The following SIRT7 variants were observed in gnomAD, a reference collection of about 807,000 sequenced individuals.
The protein encoded by SIRT7 is NAD-dependent protein deacetylase sirtuin-7.
Under a neutral mutation model 42.8 loss-of-function variants are expected in SIRT7, and 32 were observed. The observed-to-expected ratio is 0.75, with a 90% confidence interval of 0.56 to 1.00. The LOEUF (loss-of-function observed/expected upper bound fraction) is 1.00, where lower values mean the gene tolerates loss of function less well. SIRT7 is among the 50% of genes least tolerant of loss of function. The pLI, the probability that SIRT7 is intolerant of heterozygous loss-of-function variation, is 0.00. For synonymous variants in SIRT7, 297 were observed against 245.2 expected (o/e 1.21, Z -1.97); for missense variants, 553 against 572.2 (o/e 0.97, Z 0.34).
chr17:81,914,630 C>G lies in SIRT7; in HGVS notation c.553G>C (p.Glu185Gln), dbSNP rs778469493. Residue 185 changes from glutamate to glutamine, a missense_variant, in exon 6 of 10, where the codon GAG (glutamate) becomes CAG (glutamine). Glu to Gln is a conservative substitution (Grantham distance 29, BLOSUM62 2). Transcript: ENST00000328666. ...TCAATGTACATGTTCCCGTGGAGCTCGGAGATGGCCGTGCGCGGCAGCCCA... is the reference window on the plus strand; with the variant it reads ...TCAATGTACATGTTCCCGTGGAGCTGGGAGATGGCCGTGCGCGGCAGCCCA... ...RSGLPRTAIS[E>Q]LHGNMYIEVC... The G allele has an allele frequency of 6.2e-7, 1 of 1,613,106 alleles. No homozygotes were observed. The highest frequency in any genetic ancestry group is 8.5e-7 in the Non-Finnish European group (1 of 1,180,002).
Position 81,915,422 on chromosome 17 carries a change from G to A in SIRT7, c.480+18C>T, listed in dbSNP as rs200216452. Reference sequence around the variant, plus strand: ...TGCCTGGTCCCTGGCAAGTGTACCAGCCACCCAGGGCTCTTACCAGCTTCT... The same window carrying A: ...TGCCTGGTCCCTGGCAAGTGTACCAACCACCCAGGGCTCTTACCAGCTTCT... On this transcript the variant is annotated intron_variant, in intron 5 of 9. Coordinates refer to ENST00000328666, the MANE Select transcript of SIRT7 (RefSeq NM_016538.3). 3.3e-4 allele frequency: 528 copies of A among 1,609,528 alleles called. 5 individuals carry two copies. Among genetic ancestry groups the A allele is most frequent in the Non-Finnish European group, 6.9e-5 (81 of 1,177,928 alleles).
intron 3 of SIRT7, chr17:81,917,222 A>T (rs2040821299): frequency 6.1e-6 from 1 of 162,728 alleles, no homozygotes; most frequent in Non-Finnish European, 1.3e-5. Flanking sequence ...CCCACAGCCC[A>T]GGATAACTTG....
At chr17:81,916,414 A>G (rs2040798395) in intron 3 of SIRT7, 1 of 151,368 alleles carries the variant, frequency 6.6e-6, no homozygotes, top group Non-Finnish European at 1.5e-5. Context: ...TGCCATTGGA[A>G]GTTCCATAAC....
chr17:81,915,583 T>G, intron 4 of SIRT7, 28 bp downstream of exon 4: 1 of 1,613,506 alleles, frequency 6.2e-7, no homozygotes, highest in Non-Finnish European at 8.5e-7. Flanking sequence ...GCCCAGCCTA[T>G]GTGGGAGGCC....
chr17:81,915,448 G>C lies in SIRT7; in HGVS notation c.472C>G (p.Gln158Glu). Residue 158 changes from glutamine to glutamate, a missense_variant, in exon 5 of 10, where the codon CAG becomes GAG. By Grantham distance (29) the Gln-to-Glu change is conservative. Coordinates refer to ENST00000328666, the MANE Select transcript of SIRT7 (RefSeq NM_016538.3). ...CCACCCAGGGCTCTTACCAGCTTCT[G>C]CTCATGCAGACGGGTGATGCTCATG... Reference protein sequence around the residue: ...THMSITRLHEQKLVQHVVSQN... With the variant: ...THMSITRLHEEKLVQHVVSQN... The C allele has an allele frequency of 6.2e-7, 1 of 1,613,092 alleles. No homozygotes were observed. Among genetic ancestry groups the C allele is most frequent in the East Asian group, 2.2e-5 (1 of 44,872 alleles).
chr17:81,912,850 C>T (rs1440685828), intron 9 of SIRT7: 1 of 589,030 alleles, frequency 1.7e-6, no homozygotes, highest in East Asian at 2.9e-5. Flanking sequence ...AGCTCGGTCT[C>T]CTCAAAACTC....
intron 3 of SIRT7, chr17:81,916,095 C>T (rs866800027): frequency 4.1e-6 from 1 of 243,152 alleles, no homozygotes; most frequent in South Asian, 5.2e-5. Context: ...TGGGTCCAGG[C>T]GACTGTCCAT....
Position 81,912,486 on chromosome 17 carries a change from G to C in SIRT7, c.1133C>G (p.Ser378Trp), listed in dbSNP as rs753775333. ...PPGDRGAPLS[S>W]APILGGWFGR... ...AAACCAGCCCCCTAGGATGGGGGCC[G>C]AGCTAAGCGGTGCACCCCGGTCCCC... is the stretch of plus-strand genomic sequence containing the variant. Residue 378 changes from serine to tryptophan, a missense_variant, in exon 10 of 10, where the codon TCG becomes TGG. Physicochemically the swap from Ser to Trp is radical, Grantham distance 177. Coordinates refer to ENST00000328666, the MANE Select transcript of SIRT7 (RefSeq NM_016538.3). 6.2e-7 allele frequency: 1 copy of C among 1,613,930 alleles called. No homozygotes were observed. Among genetic ancestry groups the C allele is most frequent in the South Asian group, 1.1e-5 (1 of 91,078 alleles).
chr17:81,912,508 C>T lies in SIRT7; in HGVS notation c.1111G>A (p.Asp371Asn), dbSNP rs1199252258. The change falls in exon 10 of 10, where the codon GAC (aspartate) becomes AAC (asparagine). Residue 371 changes from aspartate (D) to asparagine (N), a missense_variant. Asp to Asn is a conservative substitution (Grantham distance 23). Transcript: ENST00000328666. ...GCCGAGCTAAGCGGTGCACCCCGGTCCCCAGGCGGGGCCTCCTCTCTGCTT... is the reference window on the plus strand; with the variant it reads ...GCCGAGCTAAGCGGTGCACCCCGGTTCCCAGGCGGGGCCTCCTCTCTGCTT... Reference protein sequence around the residue: ...CRSREEAPPGDRGAPLSSAPI... With the variant: ...CRSREEAPPGNRGAPLSSAPI... 1 of 1,613,740 alleles carries T rather than the reference C, an allele frequency of 6.2e-7. No homozygotes were observed. The highest frequency in any genetic ancestry group is 8.5e-7 in the Non-Finnish European group (1 of 1,179,984).
chr17:81,917,665 C>A lies in SIRT7; in HGVS notation c.286G>T (p.Val96Phe). 2.5e-6 allele frequency: 4 copies of A among 1,607,542 alleles called. No homozygotes were observed. In the South Asian group the frequency reaches 4.4e-5, roughly 18 times the overall value. The change falls in exon 3 of 10, where the codon GTC (valine) becomes TTC (phenylalanine). Residue 96 changes from valine (V) to phenylalanine (F), a missense_variant. Physicochemically the swap from Val to Phe is conservative, Grantham distance 50. Coordinates refer to ENST00000328666, the MANE Select transcript of SIRT7 (RefSeq NM_016538.3). ...ACGACCAAGTATTTGGCGTTCCGGACGGCGCTGGCCAGCTCCCGGACCTTC... is the reference window on the plus strand; with the variant it reads ...ACGACCAAGTATTTGGCGTTCCGGAAGGCGCTGGCCAGCTCCCGGACCTTC... ...RGKVRELASA[V>F]RNAKYLVVYT...
Position 81,912,286 on chromosome 17 carries a change from G to T in SIRT7, c.*130C>A. On this transcript the variant is annotated 3_prime_UTR_variant, in exon 10 of 10. Transcript: ENST00000328666. ...GCAAGGGGCTTCCTCAAGGACAAAT[G>T]GCTAAAAATGTCACGGTGAAAATGT... 1.6e-6 allele frequency: 2 copies of T among 1,230,544 alleles called. No individual in the cohort carries two copies. The highest frequency in any genetic ancestry group is 2.4e-6 in the Non-Finnish European group (2 of 848,524). 76.2% of individuals were successfully genotyped at this position (1,230,544 alleles called of 1,614,324 possible). A position where few individuals can be genotyped will look rare whatever the true frequency, so the allele number is the denominator to read the frequency against.
Position 81,913,967 on chromosome 17 carries a change from G to A in SIRT7, c.898-87C>T, listed in dbSNP as rs551554620. On this transcript the variant is annotated intron_variant, in intron 8 of 9. Transcript: ENST00000328666. This position sits in a 1 kb window ranked among gnomAD's most constrained non-coding sequence, Gnocchi z 5.0. ...GCCTTGGCCCCTACGGGCTCAGTCGGTGCTCCCTGAGCACCCACGGGGGCC... is the reference window on the plus strand; with the variant it reads ...GCCTTGGCCCCTACGGGCTCAGTCGATGCTCCCTGAGCACCCACGGGGGCC... 2.6e-6 allele frequency: 4 copies of A among 1,545,830 alleles called. No individual in the cohort carries two copies. In the South Asian group the frequency reaches 3.4e-5, roughly 13 times the overall value.
chr17:81,915,127 C>T (rs944780959), intron 5 of SIRT7: 2 of 517,942 alleles, frequency 3.9e-6, no homozygotes, highest in Non-Finnish European at 7.0e-6. Flanking sequence ...CCAGAGATGT[C>T]CTATAAGCCT....
rs563951708 is a variant in SIRT7, at chr17:81,915,356, G to C, written c.480+84C>G. The stretch of plus-strand genomic sequence containing the variant: ...TCATGGGAGTCAACTGGCAGACAGA[G>C]GGCGGGTGCAGTTAGTTGCCCACTG... On this transcript the variant is annotated intron_variant, in intron 5 of 9. Transcript: ENST00000328666. 872 of 1,457,470 alleles carry C rather than the reference G, an allele frequency of 6.0e-4. 7 individuals carry two copies. Among genetic ancestry groups the C allele is most frequent in the Middle Eastern group, 2.1e-3 (10 of 4,796 alleles). 90.3% of individuals were successfully genotyped at this position (1,457,470 alleles called of 1,614,324 possible).
Position 81,913,603 on chromosome 17 carries a change from C to A in SIRT7, c.1004+171G>T. On this transcript the variant is annotated intron_variant, in intron 9 of 9. Coordinates refer to ENST00000328666, the MANE Select transcript of SIRT7 (RefSeq NM_016538.3). The surrounding 1 kb of genome is among the most constrained non-coding windows in gnomAD (Gnocchi z 5.0). ...AGGGCAGGAGTGGCACACGCAGGGT[C>A]TCCGCCAACCACCGAGGTCAGGCCC... 3 of 618,380 alleles carry A rather than the reference C, an allele frequency of 4.9e-6. No individual in the cohort carries two copies. Among genetic ancestry groups the A allele is most frequent in the Non-Finnish European group, 8.6e-6 (3 of 348,976 alleles). 38.3% of individuals were successfully genotyped at this position (618,380 alleles called of 1,614,324 possible). A position where few individuals can be genotyped will look rare whatever the true frequency, so the allele number is the denominator to read the frequency against.
chr17:81,912,758 C>A, intron 9 of SIRT7, 144 bp from the exon 10 acceptor site: 1 of 864,718 alleles, frequency 1.2e-6, no homozygotes, highest in South Asian at 1.5e-5. Context: ...TGGTTGGCGG[C>A]AGCTTCATTG....
intron 1 of SIRT7, 25 bp from the exon 2 acceptor site, chr17:81,917,992 G>A (rs1216459420): frequency 6.7e-6 from 9 of 1,336,890 alleles, no homozygotes; most frequent in Non-Finnish European, 7.6e-6. Context: ...ACGGTGAGCG[G>A]CGGCGCGGGC....
At chr17:81,914,255 G>A (rs781119558) in intron 7 of SIRT7, 39 bp downstream of exon 7, 3 of 1,611,464 alleles carry the variant, frequency 1.9e-6, no homozygotes, top group Admixed American at 1.7e-5. Context: ...CCTCGGGCGG[G>A]CAGGGGCTCG....
At position 81,915,625 on chromosome 17, in the gene SIRT7, T is replaced by C. The variant is rs2040781113; in HGVS notation, c.393A>G (p.Lys131=). 6.2e-7 allele frequency: 1 copy of C among 1,613,948 alleles called. No homozygotes were observed. Among genetic ancestry groups the C allele is most frequent in the African/African-American group, 1.3e-5 (1 of 75,044 alleles). ...GGCCCGCTTACCTAACGCTTCTCCCTTTCTGAAGCAGTGTCCACACTCCAT... is the reference window on the plus strand; with the variant it reads ...GGCCCGCTTACCTAACGCTTCTCCCCTTCTGAAGCAGTGTCCACACTCCAT... ...GPNGVWTLLQ[K]GRSVSAADLS... The change falls in exon 4 of 10, where the codon AAA becomes AAG. Residue 131 remains lysine, a synonymous_variant. Coordinates refer to ENST00000328666, the MANE Select transcript of SIRT7 (RefSeq NM_016538.3).
Sources: gnomAD v4.1 joint callset for allele counts on GRCh38, gnomAD v4.1.1 for gene constraint, Gnocchi (gnomAD v3.1) non-coding constraint, MANE v1.5 for transcripts, NCBI Gene and HGNC (gene_info 2026-07-23, HGNC 2026-07-21) for gene names.